The following NRG2 variants were observed in gnomAD, a reference collection of about 807,000 sequenced individuals.
The protein encoded by NRG2 is neuregulin 2, also known as pro-neuregulin-2, membrane-bound isoform.
NRG2 carries 27 observed loss-of-function variants against 73.9 expected under a neutral mutation model. The observed-to-expected ratio is 0.37, with a 90% CI of 0.27 to 0.50. The LOEUF is 0.50. NRG2 is among the 20% of genes least tolerant of loss of function. The pLI is 0.96. For missense variants in NRG2, 1,126 were observed against 1,210.1 expected (o/e 0.93, Z 1.03); for synonymous variants, 532 against 541.0 (o/e 0.98, Z 0.23).
At chr5:139,963,557 G>A (rs928349875) in intron 1 of NRG2, among the ~76,000 whole-genome samples, 1 of 152,154 alleles carries the variant, frequency 6.6e-6, no homozygotes, top group Non-Finnish European at 1.5e-5. Flanking sequence ...ATACATATAG[G>A]TACCATTTAT....
At chr5:139,875,186 AT>A (rs1381456814) in intron 3 of NRG2, among the ~76,000 whole-genome samples, 2 of 151,600 alleles carry the variant, frequency 1.3e-5, no homozygotes, top group Non-Finnish European at 2.9e-5. Context: ...TAATTTTTGT[AT>A]TTTTTAGTAG....
At chr5:139,863,224 C>T (rs1391116950) in intron 5 of NRG2, among the ~76,000 whole-genome samples, 1 of 152,244 alleles carries the variant, frequency 6.6e-6, no homozygotes, top group African/African-American at 2.4e-5. Flanking sequence ...GTAAGCTCAG[C>T]AGCTGGCATT....
intron 3 of NRG2, among the ~76,000 whole-genome samples, chr5:139,878,050 G>A (rs185635220): frequency 6.6e-6 from 1 of 152,320 alleles, no homozygotes; most frequent in Admixed American, 6.5e-5. Context: ...TGTGTGGGAG[G>A]GGACTGCAGC....
intron 1 of NRG2, among the ~76,000 whole-genome samples, chr5:139,966,984 C>T (rs1440967359): frequency 6.6e-6 from 1 of 152,144 alleles, no homozygotes; most frequent in Admixed American, 6.5e-5. Context: ...CCCCAGCCTC[C>T]CCCAGTGGCT....
chr5:139,855,932 C>T (rs1761779362), intron 5 of NRG2, 154 bp from the exon 6 acceptor site: 4 of 630,968 alleles, frequency 6.3e-6, no homozygotes, highest in Non-Finnish European at 1.1e-5. Context: ...CAGTTCCTTC[C>T]CTCCTACATG....
In NRG2 at chr5:139,852,351, T is replaced by C; in HGVS notation, c.1544+81A>G. On this transcript the variant is annotated intron_variant, in intron 8 of 9. Coordinates refer to ENST00000361474, the MANE Select transcript of NRG2 (RefSeq NM_004883.3). This position sits in a 1 kb window ranked among gnomAD's most constrained non-coding sequence, Gnocchi z 4.4. Reference sequence around the variant, plus strand: ...CTCAGGGGAGGGTATTGAATAGCTCTGGATGTCGGAGTAAGTGGGCACTTT... The same window carrying C: ...CTCAGGGGAGGGTATTGAATAGCTCCGGATGTCGGAGTAAGTGGGCACTTT... The C allele has an allele frequency of 1.9e-6, 3 of 1,544,798 alleles. No individual in the cohort carries two copies. Among genetic ancestry groups the C allele is most frequent in the Non-Finnish European group, 2.6e-6 (3 of 1,139,288 alleles).
At chr5:139,948,608 T>G (rs1039742754) in intron 1 of NRG2, among the ~76,000 whole-genome samples, 1 of 152,234 alleles carries the variant, frequency 6.6e-6, no homozygotes, top group Non-Finnish European at 1.5e-5. Flanking sequence ...TAATCCTCAT[T>G]GCAAAACTGA....
intron 1 of NRG2, among the ~76,000 whole-genome samples, chr5:139,966,396 G>C (rs992250178): frequency 2.6e-5 from 4 of 152,168 alleles, no homozygotes; most frequent in African/African-American, 7.2e-5. Flanking sequence ...CCCTTACGGA[G>C]GTATGACTTT....
In NRG2 at chr5:139,954,657, G is replaced by A. The variant is rs1225782182; in HGVS notation, c.701-67146C>T. 7.2e-5 allele frequency among the ~76,000 whole-genome samples: 11 copies of A among 152,148 alleles called. No individual in the cohort carries two copies. Among genetic ancestry groups the A allele is most frequent in the Admixed American group, 6.5e-5 (1 of 15,286 alleles). On this transcript the variant is annotated intron_variant, in intron 1 of 9. Transcript: ENST00000361474. The surrounding 1 kb of genome is among the most constrained non-coding windows in gnomAD (Gnocchi z 5.0). ...AAGCCCTCCACCCCAGCGACTCTCCGCAGAGGCCCCTGCGCGTATCCCGCC... is the reference window on the plus strand; with the variant it reads ...AAGCCCTCCACCCCAGCGACTCTCCACAGAGGCCCCTGCGCGTATCCCGCC...
chr5:140,000,302 C>T (rs1006784810), intron 1 of NRG2, among the ~76,000 whole-genome samples: 6 of 152,228 alleles, frequency 3.9e-5, no homozygotes, highest in East Asian at 3.9e-4. Flanking sequence ...GCCTACACAC[C>T]TCTGTGCTTG....
chr5:139,980,217 C>T (rs1194295960), intron 1 of NRG2, among the ~76,000 whole-genome samples: 1 of 152,130 alleles, frequency 6.6e-6, no homozygotes, highest in Non-Finnish European at 1.5e-5. Flanking sequence ...GCCAGGGACA[C>T]ACAGGTGAGG....
chr5:139,918,518 G>T (rs758556478), intron 1 of NRG2, among the ~76,000 whole-genome samples: 3 of 152,086 alleles, frequency 2.0e-5, no homozygotes, highest in Non-Finnish European at 4.4e-5. Context: ...GATAGGGAGC[G>T]CATTACCATC....
At chr5:139,908,175 T>G (rs973964805) in intron 1 of NRG2, among the ~76,000 whole-genome samples, 5 of 152,252 alleles carry the variant, frequency 3.3e-5, no homozygotes, top group African/African-American at 4.8e-5. Context: ...AGGTGAGAGA[T>G]ACACTTGGAC....
intron 1 of NRG2, among the ~76,000 whole-genome samples, chr5:139,991,376 A>G (rs1757616333): frequency 1.3e-5 from 2 of 152,124 alleles, no homozygotes; most frequent in South Asian, 2.1e-4. Context: ...TCCCTACTCA[A>G]TTTATGAAAG....
intron 1 of NRG2, among the ~76,000 whole-genome samples, chr5:139,998,834 T>C (rs890865556): frequency 4.6e-5 from 7 of 152,068 alleles, no homozygotes; most frequent in African/African-American, 1.7e-4. Flanking sequence ...TAGGGGAAGA[T>C]AGGAAGAGGA....
At chr5:139,884,587 G>A (rs529310622) in intron 2 of NRG2, among the ~76,000 whole-genome samples, 161 of 152,322 alleles carry the variant, frequency 1.1e-3, no homozygotes, top group Non-Finnish European at 2.0e-3. Flanking sequence ...GGGGGTCAGT[G>A]ACTCTGTGGA....
intron 1 of NRG2, among the ~76,000 whole-genome samples, chr5:139,909,604 C>T (rs1765459111): frequency 6.6e-6 from 1 of 152,236 alleles, no homozygotes. Flanking sequence ...TATGAGGCTA[C>T]TGCTACCCTT....
chr5:139,892,193 C>G (rs1407957021), intron 1 of NRG2, among the ~76,000 whole-genome samples: 1 of 152,198 alleles, frequency 6.6e-6, no homozygotes, highest in Non-Finnish European at 1.5e-5. Context: ...AGAATGTACA[C>G]CAGATGGCCT....
chr5:139,846,969 A>C lies in NRG2; in HGVS notation c.*948T>G, dbSNP rs1048114330. ...GGGTGGGAGGGCAGGACTGGAGACG[A>C]GTGGATGTCATAGGTGGGTTGGGGG... On this transcript the variant is annotated 3_prime_UTR_variant, in exon 10 of 10. Transcript: ENST00000361474. 6.6e-6 allele frequency: 1 copy of C among 151,568 alleles called. No individual in the cohort carries two copies. The highest frequency in any genetic ancestry group is 1.5e-5 in the Non-Finnish European group (1 of 67,940). 9.4% of individuals were successfully genotyped at this position (151,568 alleles called of 1,614,324 possible).
Sources: gnomAD v4.1 joint callset for allele counts (sites outside exome capture counted in the v4.1 genomes callset) on GRCh38, gnomAD v4.1.1 for gene constraint, Gnocchi (gnomAD v3.1) non-coding constraint, MANE v1.5 for transcripts, NCBI Gene and HGNC (gene_info 2026-07-23, HGNC 2026-07-21) for gene names.